Variants in SLC25A40 observed in about 807,000 individuals in gnomAD.
The protein encoded by SLC25A40 is solute carrier family 25 member 40.
In SLC25A40, 41 loss-of-function variants were observed where a neutral mutation model predicts 46.5. The observed-to-expected ratio is 0.88, with a 90% CI of 0.69 to 1.14. The LOEUF is 1.14. Among genes scored for constraint, SLC25A40 ranks in the 50% most tolerant of loss-of-function variants. SLC25A40 has a pLI of 0.00. For missense variants in SLC25A40, 386 were observed against 393.6 expected, an observed-to-expected ratio of 0.98 and a Z score of 0.16; for synonymous variants, 126 against 127.5, an observed-to-expected ratio of 0.99 and a Z score of 0.08.
intron 1 of SLC25A40, among the ~76,000 whole-genome samples, chr7:87,871,275 G>A (rs1230595120): frequency 6.6e-6 from 1 of 152,138 alleles, no homozygotes; most frequent in Non-Finnish European, 1.5e-5. Context: ...AGGCCCATTC[G>A]GGCAACAAAA....
At chr7:87,853,431 TATAAA>T (rs1432413256) in intron 5 of SLC25A40, among the ~76,000 whole-genome samples, 1 of 152,180 alleles carries the variant, frequency 6.6e-6, no homozygotes, top group Non-Finnish European at 1.5e-5. Context: ...TTGCTTAAAC[TATAAA>T]CATGTAACTA....
At chr7:87,865,124 G>C (rs1298782965) in intron 1 of SLC25A40, among the ~76,000 whole-genome samples, 1 of 151,678 alleles carries the variant, frequency 6.6e-6, no homozygotes, top group Non-Finnish European at 1.5e-5. Context: ...CTACAGGCAC[G>C]AGCCACCACT....
At chr7:87,874,480 T>G (rs891151213) in intron 1 of SLC25A40, among the ~76,000 whole-genome samples, 2 of 152,182 alleles carry the variant, frequency 1.3e-5, no homozygotes, top group African/African-American at 4.8e-5. Context: ...AGATTATAAT[T>G]TTTATCTAGT....
intron 9 of SLC25A40, among the ~76,000 whole-genome samples, chr7:87,843,308 G>A (rs1838361306): frequency 6.6e-6 from 1 of 152,024 alleles, no homozygotes; most frequent in Non-Finnish European, 1.5e-5. Context: ...CCTTCCGACT[G>A]TAATTTTTGT....
chr7:87,841,582 A>G, intron 10 of SLC25A40, 51 bp downstream of exon 10: 1 of 1,108,220 alleles, frequency 9.0e-7, no homozygotes, highest in Non-Finnish European at 1.3e-6. Context: ...AATATCTGTA[A>G]GGAAAAACAA....
chr7:87,841,175 A>G (rs905615378), intron 10 of SLC25A40, among the ~76,000 whole-genome samples: 1 of 149,072 alleles, frequency 6.7e-6, no homozygotes, highest in Non-Finnish European at 1.5e-5. Flanking sequence ...ATATATATAT[A>G]TACATATATA....
intron 6 of SLC25A40, among the ~76,000 whole-genome samples, chr7:87,848,725 G>A (rs1050950131): frequency 6.6e-6 from 1 of 152,158 alleles, no homozygotes; most frequent in African/African-American, 2.4e-5. Context: ...CAAACACAAA[G>A]TTGCAGGTAC....
At chr7:87,849,775 T>C in intron 6 of SLC25A40, 106 bp downstream of exon 6, 2 of 778,466 alleles carry the variant, frequency 2.6e-6, no homozygotes, top group Admixed American at 6.8e-5. Flanking sequence ...CCTCAGAAAA[T>C]GAAAGCATTC....
intron 5 of SLC25A40, among the ~76,000 whole-genome samples, chr7:87,850,866 T>C (rs963356764): frequency 1.3e-5 from 2 of 152,150 alleles, no homozygotes; most frequent in African/African-American, 4.8e-5. Context: ...TGTGACTTCA[T>C]ACCTACTAAA....
chr7:87,841,508 G>T, intron 10 of SLC25A40, 125 bp downstream of exon 10: 1 of 529,048 alleles, frequency 1.9e-6, no homozygotes, highest in Non-Finnish European at 3.1e-6. Context: ...ATTACTTTCA[G>T]TAAAATACAC....
chr7:87,840,157 T>C (rs997140903), intron 10 of SLC25A40, among the ~76,000 whole-genome samples: 1 of 151,792 alleles, frequency 6.6e-6, no homozygotes, highest in African/African-American at 2.4e-5. Flanking sequence ...ATTTTTCCTT[T>C]TAGGTTTAAA....
In SLC25A40 at chr7:87,876,210, C is replaced by G. The variant is rs1174553757; in HGVS notation, c.-208G>C. The G allele has an allele frequency of 2.0e-5, 3 of 153,290 alleles. No homozygotes were observed. The highest frequency in any genetic ancestry group is 7.2e-5 in the African/African-American group (3 of 41,508). The allele number at this position is 153,290 out of a possible 1,614,324, so 9.5% of individuals were successfully genotyped here. A position where few individuals can be genotyped will look rare whatever the true frequency, so the allele number is the denominator to read the frequency against. ...GCTAACTGCATCCACTAGGTTTGGT[C>G]AACACAGAGCCGCGCCAACTCTCTG... On this transcript the variant is annotated 5_prime_UTR_variant, in exon 1 of 12. Transcript: ENST00000341119.
intron 1 of SLC25A40, among the ~76,000 whole-genome samples, chr7:87,863,863 A>T (rs1562749247): frequency 1.3e-5 from 2 of 152,120 alleles, no homozygotes; most frequent in Non-Finnish European, 2.9e-5. Flanking sequence ...TCCTTCCCCA[A>T]AACCTTCCTG....
At chr7:87,872,087 G>A (rs570771308) in intron 1 of SLC25A40, among the ~76,000 whole-genome samples, 4 of 152,290 alleles carry the variant, frequency 2.6e-5, no homozygotes, top group African/African-American at 9.6e-5. Flanking sequence ...AAGAATAAAT[G>A]CTATAAAGAT....
chr7:87,837,853 G>C (rs552945797), intron 10 of SLC25A40, among the ~76,000 whole-genome samples: 10 of 151,476 alleles, frequency 6.6e-5, no homozygotes, highest in African/African-American at 2.2e-4. Flanking sequence ...TAGCTTTTTA[G>C]AGTGGCTACT....
chr7:87,858,833 C>A, intron 2 of SLC25A40, 82 bp from the exon 3 acceptor site: 1 of 740,000 alleles, frequency 1.4e-6, no homozygotes, highest in Non-Finnish European at 2.3e-6. Context: ...GCTGGGTGAG[C>A]AGCATCACAT....
intron 8 of SLC25A40, among the ~76,000 whole-genome samples, chr7:87,846,521 C>A (rs1388267176): frequency 6.6e-6 from 1 of 152,098 alleles, no homozygotes; most frequent in East Asian, 1.9e-4. Flanking sequence ...ACAGGATAAT[C>A]ATTTAATGGG....
intron 1 of SLC25A40, among the ~76,000 whole-genome samples, chr7:87,875,432 C>T (rs1203594657): frequency 2.0e-5 from 3 of 152,154 alleles, no homozygotes; most frequent in Non-Finnish European, 4.4e-5. Context: ...CGCTGATACT[C>T]TGACTTCCTT....
At chr7:87,846,078 A>C (rs1190604058) in intron 8 of SLC25A40, among the ~76,000 whole-genome samples, 1 of 152,234 alleles carries the variant, frequency 6.6e-6, no homozygotes, top group Non-Finnish European at 1.5e-5. Context: ...TAAACAAGTA[A>C]AAATGAAGAA....
Sources: gnomAD v4.1 joint callset for allele counts (sites outside exome capture counted in the v4.1 genomes callset) on GRCh38, gnomAD v4.1.1 for gene constraint, MANE v1.5 for transcripts, NCBI Gene and HGNC (gene_info 2026-07-23, HGNC 2026-07-21) for gene names.